PCOLCE2: variants seen among roughly 807,000 people sequenced by gnomAD.
The protein encoded by PCOLCE2 is procollagen C-endopeptidase enhancer 2, also known as procollagen C-proteinase enhancer 2.
PCOLCE2 carries 42 observed loss-of-function variants against 47.0 expected under a neutral mutation model. That is an observed-to-expected ratio of 0.89 (90% CI 0.70 to 1.16). PCOLCE2 has a LOEUF of 1.16. Among genes scored for constraint, PCOLCE2 ranks in the 50% most tolerant of loss-of-function variants. PCOLCE2 has a pLI of 0.00. For synonymous variants in PCOLCE2, 169 were observed against 191.7 expected (o/e 0.88, Z 0.98); for missense variants, 500 against 526.1 (o/e 0.95, Z 0.49).
At chr3:142,843,698 G>A (rs538220047) in intron 3 of PCOLCE2, among the ~76,000 whole-genome samples, 40 of 152,116 alleles carry the variant, frequency 2.6e-4, no homozygotes, top group South Asian at 1.2e-3. Context: ...ATATGTACCT[G>A]TAGGTTGGCA....
intron 2 of PCOLCE2, chr3:142,864,051 G>C (rs1933233002): frequency 6.6e-6 from 1 of 152,088 alleles, no homozygotes; most frequent in South Asian, 2.1e-4. Context: ...AAGAAGACTG[G>C]GGAGCGTCTC....
At chr3:142,818,525 T>C in intron 8 of PCOLCE2, 60 bp from the exon 9 acceptor site, 2 of 1,284,024 alleles carry the variant, frequency 1.6e-6, no homozygotes, top group Non-Finnish European at 1.1e-6. Context: ...TGAAACAACT[T>C]AGACTGTAAG....
At chr3:142,885,348 C>T (rs901946036) in intron 2 of PCOLCE2, among the ~76,000 whole-genome samples, 3 of 152,320 alleles carry the variant, frequency 2.0e-5, no homozygotes, top group East Asian at 1.9e-4. Flanking sequence ...TGAGGCTTTC[C>T]CATCTCCAGC....
chr3:142,861,251 T>C (rs1933178573), intron 2 of PCOLCE2, among the ~76,000 whole-genome samples: 1 of 152,214 alleles, frequency 6.6e-6, no homozygotes. Flanking sequence ...AGTTGTAGGA[T>C]TTTTGTGAGT....
chr3:142,824,494 T>C (rs963429049), intron 6 of PCOLCE2, among the ~76,000 whole-genome samples: 2 of 152,212 alleles, frequency 1.3e-5, no homozygotes. Flanking sequence ...AAATACTTGC[T>C]AATTATTTGT....
intron 2 of PCOLCE2, among the ~76,000 whole-genome samples, chr3:142,879,952 C>T (rs932303170): frequency 8.4e-6 from 1 of 119,206 alleles, no homozygotes; most frequent in Non-Finnish European, 1.6e-5. Context: ...GCCTGGGCGA[C>T]AGAGCGAGAC....
chr3:142,829,638 ATTC>A, intron 6 of PCOLCE2, 51 bp downstream of exon 6: 1 of 1,364,540 alleles, frequency 7.3e-7, no homozygotes, highest in Non-Finnish European at 1.0e-6. Context: ...CTTTAAAAGA[ATTC>A]TTCTTATACT....
rs533478456 is a variant in PCOLCE2, at chr3:142,842,341, C to T, written c.573+583G>A. Among the ~76,000 whole-genome samples the T allele has an allele frequency of 3.3e-5, 5 of 152,282 alleles. No individual in the cohort carries two copies. The East Asian group carries it at 9.6e-4, about 29-fold the overall frequency. ...TTATAACATCCACTGCAGGGTTAAA[C>T]AATCCTATGTGAGATCTGCTTACCA... On this transcript the variant is annotated intron_variant, in intron 4 of 8. Transcript: ENST00000295992. The surrounding 1 kb of genome is among the most constrained non-coding windows in gnomAD (Gnocchi z 4.1).
At chr3:142,879,970 CAAAAA>C (rs772887718) in intron 2 of PCOLCE2, among the ~76,000 whole-genome samples, 1 of 53,510 alleles carries the variant, frequency 1.9e-5, no homozygotes, top group Non-Finnish European at 4.9e-5. Context: ...GACTCCATCT[CAAAAA>C]AAAAAAAAAA....
chr3:142,845,900 G>A (rs1937323471), intron 3 of PCOLCE2, among the ~76,000 whole-genome samples: 1 of 152,124 alleles, frequency 6.6e-6, no homozygotes. Context: ...GCTTGAACCT[G>A]GGAGGTGGAG....
At chr3:142,850,355 T>C (rs533024906) in intron 2 of PCOLCE2, among the ~76,000 whole-genome samples, 207 of 152,266 alleles carry the variant, frequency 1.4e-3, no homozygotes, top group African/African-American at 4.8e-3. Context: ...TTTGTATAAA[T>C]GTATAGAGGG....
chr3:142,871,816 A>G (rs1933390114), intron 2 of PCOLCE2, among the ~76,000 whole-genome samples: 1 of 152,222 alleles, frequency 6.6e-6, no homozygotes, highest in Admixed American at 6.5e-5. Flanking sequence ...TAGATATTCA[A>G]TACACATATG....
intron 2 of PCOLCE2, among the ~76,000 whole-genome samples, chr3:142,850,774 A>C (rs754047052): frequency 3.3e-5 from 5 of 150,686 alleles, no homozygotes; most frequent in African/African-American, 1.2e-4. Context: ...CTTTTCAAGG[A>C]GTTTTGCTGT....
intron 2 of PCOLCE2, among the ~76,000 whole-genome samples, chr3:142,877,360 A>G (rs141822892): frequency 5.3e-5 from 8 of 152,362 alleles, no homozygotes; most frequent in African/African-American, 1.9e-4. Context: ...GGTATTTCCA[A>G]TGGGAACTCC....
At chr3:142,829,493 T>C (rs191603424) in intron 6 of PCOLCE2, among the ~76,000 whole-genome samples, 199 bp downstream of exon 6, 7 of 152,322 alleles carry the variant, frequency 4.6e-5, no homozygotes, top group Non-Finnish European at 4.4e-5. Flanking sequence ...TTACCTGATA[T>C]TTAAAAACTA....
intron 2 of PCOLCE2, among the ~76,000 whole-genome samples, chr3:142,862,823 C>A (rs763438502): frequency 3.3e-5 from 5 of 152,056 alleles, no homozygotes; most frequent in East Asian, 3.9e-4. Context: ...CTTGCACCAT[C>A]ATTTATACAA....
chr3:142,873,227 C>G (rs1256207393), intron 2 of PCOLCE2, among the ~76,000 whole-genome samples: 1 of 152,020 alleles, frequency 6.6e-6, no homozygotes, highest in Non-Finnish European at 1.5e-5. Context: ...AACCCCGTCT[C>G]TACTAAAAAT....
intron 2 of PCOLCE2, among the ~76,000 whole-genome samples, chr3:142,850,255 T>C (rs1937375396): frequency 6.6e-6 from 1 of 152,216 alleles, no homozygotes; most frequent in African/African-American, 2.4e-5. Context: ...ATCTTAAATA[T>C]AAGCAGGCTC....
chr3:142,837,517 A>C (rs994505333), intron 5 of PCOLCE2, among the ~76,000 whole-genome samples: 1 of 152,250 alleles, frequency 6.6e-6, no homozygotes, highest in Non-Finnish European at 1.5e-5. Context: ...GAAAAACCAT[A>C]ATAATGCATA....
Sources: allele counts gnomAD v4.1 joint callset (sites outside exome capture counted in the v4.1 genomes callset), GRCh38; gene constraint gnomAD v4.1.1; non-coding constraint Gnocchi (gnomAD v3.1); transcripts MANE v1.5; gene names NCBI Gene and HGNC (gene_info 2026-07-23, HGNC 2026-07-21).